NPSR1: variants seen among roughly 807,000 people sequenced by gnomAD.
The protein encoded by NPSR1 is neuropeptide S receptor.
In NPSR1, 48 loss-of-function variants were observed where a neutral mutation model predicts 46.9. The ratio of observed to expected loss-of-function variants is 1.02; its 90% CI spans 0.81 to 1.30. The LOEUF (loss-of-function observed/expected upper bound fraction) is 1.30, where lower values mean the gene tolerates loss of function less well. Ranked by LOEUF, NPSR1 falls within the 50% of genes most tolerant of loss-of-function variation. NPSR1 has a pLI of 0.00. For synonymous variants in NPSR1, 176 were observed against 168.1 expected, an observed-to-expected ratio of 1.05 and a Z score of -0.36; for missense variants, 450 against 449.5, an observed-to-expected ratio of 1.00 and a Z score of -0.01.
chr7:34,819,595 A>G (rs1320285741), intron 4 of NPSR1, among the ~76,000 whole-genome samples: 1 of 152,196 alleles, frequency 6.6e-6, no homozygotes, highest in Non-Finnish European at 1.5e-5. Context: ...AAATCATGCT[A>G]CTATAAAGAC....
At chr7:34,866,340 C>G (rs1416147589) in intron 8 of NPSR1, among the ~76,000 whole-genome samples, 4 of 151,756 alleles carry the variant, frequency 2.6e-5, no homozygotes, top group Non-Finnish European at 4.4e-5. Flanking sequence ...CGTGAGTAAA[C>G]AGAGGAAGTC....
At chr7:34,790,742 A>ATGT (rs1562729322) in intron 3 of NPSR1, among the ~76,000 whole-genome samples, 1 of 119,432 alleles carries the variant, frequency 8.4e-6, no homozygotes, top group African/African-American at 3.4e-5. Context: ...TATATGTTAT[A>ATGT]TATAATATAT....
At chr7:34,788,397 A>G (rs2128741784) in intron 3 of NPSR1, among the ~76,000 whole-genome samples, 1 of 152,226 alleles carries the variant, frequency 6.6e-6, no homozygotes, top group South Asian at 2.1e-4. Flanking sequence ...GAAAAAAAAT[A>G]TATGATAGCC....
intron 2 of NPSR1, among the ~76,000 whole-genome samples, chr7:34,733,297 G>A (rs186321074): frequency 6.6e-6 from 1 of 152,004 alleles, no homozygotes; most frequent in East Asian, 1.9e-4. Context: ...GCGGTTGCCT[G>A]TAATCCCAGC....
At chr7:34,675,493 T>C (rs567321033) in intron 1 of NPSR1, among the ~76,000 whole-genome samples, 12 of 152,340 alleles carry the variant, frequency 7.9e-5, no homozygotes, top group African/African-American at 2.9e-4. Flanking sequence ...CAAATGACCT[T>C]TTCTGTGATT....
intron 2 of NPSR1, among the ~76,000 whole-genome samples, chr7:34,748,469 T>G (rs1036327069): frequency 3.9e-5 from 6 of 152,176 alleles, no homozygotes; most frequent in Admixed American, 3.3e-4. Flanking sequence ...AGCATGAGAC[T>G]AGGGGTGGTG....
intron 3 of NPSR1, among the ~76,000 whole-genome samples, chr7:34,795,281 T>C (rs1788122105): frequency 6.6e-6 from 1 of 152,032 alleles, no homozygotes; most frequent in Non-Finnish European, 1.5e-5. Context: ...ACTTGAAAAA[T>C]AACATCTACA....
intron 8 of NPSR1, among the ~76,000 whole-genome samples, chr7:34,862,494 T>C (rs1246570190): frequency 1.3e-5 from 2 of 151,884 alleles, no homozygotes; most frequent in African/African-American, 4.9e-5. Flanking sequence ...ATTCCTCCCA[T>C]AGCCATGGGA....
chr7:34,788,173 A>G (rs1787550363), intron 3 of NPSR1, among the ~76,000 whole-genome samples: 1 of 148,398 alleles, frequency 6.7e-6, no homozygotes, highest in Admixed American at 6.7e-5. Flanking sequence ...TTTTGTGTGT[A>G]ATCAGAGTTA....
At chr7:34,815,450 T>C (rs1351663070) in intron 4 of NPSR1, among the ~76,000 whole-genome samples, 3 of 152,124 alleles carry the variant, frequency 2.0e-5, no homozygotes, top group Admixed American at 1.3e-4. Context: ...ATTTGATTAG[T>C]GTACCTGAAA....
chr7:34,832,562 G>T (rs1230539075), intron 5 of NPSR1, among the ~76,000 whole-genome samples: 2 of 152,060 alleles, frequency 1.3e-5, no homozygotes, highest in Non-Finnish European at 2.9e-5. Context: ...TTTGATGCTT[G>T]ATCACTAAGC....
At chr7:34,664,616 TAAAA>T (rs781560805) in intron 1 of NPSR1, among the ~76,000 whole-genome samples, 24,448 of 144,928 alleles carry the variant, frequency 0.17, 2,724 homozygotes, top group African/African-American at 0.33. Flanking sequence ...TTCTTTTTTT[TAAAA>T]AAAAAAAATG....
Position 34,836,270 on chromosome 7 carries a change from C to CA in NPSR1, c.757+1820dup, listed in dbSNP as rs796168089. ...TTGGTTAAAAGTTAGAATATTTGTC[C>CA]AAAAAAAAAATTGGATGAAGACATC... On this transcript the variant is annotated intron_variant, in intron 6 of 8. Transcript: ENST00000360581. Among the ~76,000 whole-genome samples, 252 of 146,898 alleles carry CA rather than the reference C, an allele frequency of 1.7e-3. 1 individual carries two copies. The highest frequency in any genetic ancestry group is 1.2e-3 in the Non-Finnish European group (81 of 66,370).
chr7:34,761,093 G>C (rs1786151176), intron 2 of NPSR1: 1 of 152,836 alleles, frequency 6.5e-6, no homozygotes, highest in Non-Finnish European at 1.5e-5. Flanking sequence ...AAATGATCTT[G>C]GGCCCCTTCC....
chr7:34,838,886 C>T (rs1026060631), intron 6 of NPSR1, among the ~76,000 whole-genome samples: 6 of 152,086 alleles, frequency 3.9e-5, no homozygotes, highest in African/African-American at 1.4e-4. Flanking sequence ...ACTGCATGGG[C>T]AAGTGTACCC....
At chr7:34,850,431 C>G (rs867302905), downstream of NPSR1, among the ~76,000 whole-genome samples, 4 of 136,890 alleles carry the variant, frequency 2.9e-5, no homozygotes, top group Non-Finnish European at 6.1e-5. Context: ...GACAGAGTCT[C>G]GCTCTGTCGC....
intron 1 of NPSR1, among the ~76,000 whole-genome samples, chr7:34,670,602 A>G (rs1211281446): frequency 6.6e-6 from 1 of 150,980 alleles, no homozygotes; most frequent in Non-Finnish European, 1.5e-5. Flanking sequence ...ATTATAGCTA[A>G]TAGTATATAC....
chr7:34,701,303 G>T (rs1016863668), intron 2 of NPSR1, among the ~76,000 whole-genome samples: 1 of 152,084 alleles, frequency 6.6e-6, no homozygotes, highest in African/African-American at 2.4e-5. Flanking sequence ...TTATTAATCA[G>T]CAAAGATACA....
intron 2 of NPSR1, among the ~76,000 whole-genome samples, chr7:34,692,836 A>C (rs1793333643): frequency 2.0e-5 from 3 of 152,190 alleles, no homozygotes; most frequent in Admixed American, 2.0e-4. Context: ...AACAGGAGAG[A>C]TGATTCAATT....
Sources: allele counts gnomAD v4.1 joint callset (sites outside exome capture counted in the v4.1 genomes callset), GRCh38; gene constraint gnomAD v4.1.1; transcripts MANE v1.5; gene names NCBI Gene and HGNC (gene_info 2026-07-23, HGNC 2026-07-21).